The following HSPG2 variants were observed in gnomAD, a reference collection of about 807,000 sequenced individuals.
HSPG2 encodes heparan sulfate proteoglycan 2.
A neutral mutation model predicts 526.6 loss-of-function variants in HSPG2; 278 were observed. The ratio of observed to expected loss-of-function variants is 0.53; its 90% CI spans 0.48 to 0.58. HSPG2 has a LOEUF of 0.58. HSPG2 is among the 20% of genes least tolerant of loss of function. The pLI is 0.00. For synonymous variants in HSPG2, 2,465 were observed against 2,555.4 expected (o/e 0.96, Z 1.07); for missense variants, 5,354 against 6,099.5 (o/e 0.88, Z 4.07).
Position 21,839,401 on chromosome 1 carries a change from C to G in HSPG2, c.9859G>C (p.Ala3287Pro). Reference protein sequence around the residue: ...ICNATSPAGHAEATIILHVES... With the variant: ...ICNATSPAGHPEATIILHVES... The stretch of plus-strand genomic sequence containing the variant: ...ACGTGCAGGATGATGGTGGCCTCAG[C>G]GTGCCCAGCAGGGCTAGTGGCATTG... The change falls in exon 73 of 97, where the codon GCT (alanine) becomes CCT (proline). Residue 3287 changes from alanine (A) to proline (P), a missense_variant. Transcript: ENST00000374695. The surrounding 1 kb of genome is among the most constrained non-coding windows in gnomAD (Gnocchi z 4.5). 6.2e-7 allele frequency: 1 copy of G among 1,613,596 alleles called. No individual in the cohort carries two copies. The highest frequency in any genetic ancestry group is 8.5e-7 in the Non-Finnish European group (1 of 1,180,008).
chr1:21,900,640 C>T (rs1643046131), intron 1 of HSPG2, among the ~76,000 whole-genome samples: 1 of 152,094 alleles, frequency 6.6e-6, no homozygotes, highest in Non-Finnish European at 1.5e-5. Flanking sequence ...GGGAGAGGTA[C>T]AGATACGGAG....
intron 42 of HSPG2, 107 bp from the exon 43 acceptor site, chr1:21,857,492 A>G (rs1374791046): frequency 9.9e-7 from 1 of 1,009,288 alleles, no homozygotes; most frequent in African/African-American, 1.6e-5. Flanking sequence ...TTCCTGGTCC[A>G]GCCTAGCTCT....
chr1:21,886,683 G>A (rs115034078), intron 9 of HSPG2, among the ~76,000 whole-genome samples: 312 of 152,334 alleles, frequency 2.0e-3, no homozygotes, highest in African/African-American at 7.1e-3. Context: ...TGGAAGGATG[G>A]ATGGGAGGGA....
chr1:21,838,046 G>A (rs1342651569), intron 74 of HSPG2, among the ~76,000 whole-genome samples: 1 of 140,366 alleles, frequency 7.1e-6, no homozygotes. Flanking sequence ...TGAGGCACGA[G>A]AAAGGCTTGA....
chr1:21,865,373 GAC>G lies in HSPG2; in HGVS notation c.4315-10_4315-9del. 6.2e-7 allele frequency: 1 copy of G among 1,613,982 alleles called. No individual in the cohort carries two copies. The highest frequency in any genetic ancestry group is 8.5e-7 in the Non-Finnish European group (1 of 1,179,912). On this transcript the variant is annotated splice_polypyrimidine_tract_variant and intron_variant, in intron 34 of 96. Coordinates refer to ENST00000374695, the MANE Select transcript of HSPG2 (RefSeq NM_005529.7). This position sits in a 1 kb window ranked among gnomAD's most constrained non-coding sequence, Gnocchi z 5.4. Reference sequence around the variant, plus strand: ...TAGCATGATGTTGTTGCCCTGGAAAGACACCAGCAGGATTGGAAGGGGAGCCG... The same window carrying G: ...TAGCATGATGTTGTTGCCCTGGAAAGACCAGCAGGATTGGAAGGGGAGCCG...
rs1557770223 is a variant in HSPG2, at chr1:21,878,503, A to AG, written c.2559-13dup. On this transcript the variant is annotated splice_polypyrimidine_tract_variant and intron_variant, in intron 19 of 96. Coordinates refer to ENST00000374695, the MANE Select transcript of HSPG2 (RefSeq NM_005529.7). Reference sequence around the variant, plus strand: ...ATCCGGGGGCACAGCTAGGGGAGAGAGGGGGCCGCCATCAGCACTTCCATG... The same window carrying AG: ...ATCCGGGGGCACAGCTAGGGGAGAGAGGGGGGCCGCCATCAGCACTTCCATG... 3 of 1,613,154 alleles carry AG rather than the reference A, an allele frequency of 1.9e-6. No individual in the cohort carries two copies. Among genetic ancestry groups the AG allele is most frequent in the Non-Finnish European group, 2.5e-6 (3 of 1,179,658 alleles).
At chr1:21,860,090 G>A in intron 40 of HSPG2, 87 bp downstream of exon 40, 5 of 1,601,174 alleles carry the variant, frequency 3.1e-6, no homozygotes, top group East Asian at 2.2e-5. Context: ...CCCACCCTCA[G>A]CCCTGTCCCC....
chr1:21,848,742 G>T lies in HSPG2; in HGVS notation c.7638C>A (p.Ala2546=). 8 of 1,613,958 alleles carry T rather than the reference G, an allele frequency of 5.0e-6. No individual in the cohort carries two copies. Among genetic ancestry groups the T allele is most frequent in the Non-Finnish European group, 6.8e-6 (8 of 1,179,978 alleles). The change falls in exon 59 of 97, where the codon GCC becomes GCA. Residue 2546 remains alanine (A), a synonymous_variant. Transcript: ENST00000374695. The surrounding 1 kb of genome is among the most constrained non-coding windows in gnomAD (Gnocchi z 4.9). The part of the protein sequence containing the change: ...VRIESSSASL[A]NGHTLDLNCL... The stretch of plus-strand genomic sequence containing the variant: ...AGTTGAGGTCCAGGGTGTGTCCATT[G>T]GCCAGGGAGGCTGAGGAGGACTCGA...
At chr1:21,835,490 T>C in intron 76 of HSPG2, 50 bp downstream of exon 76, 1 of 1,245,316 alleles carries the variant, frequency 8.0e-7, no homozygotes, top group Non-Finnish European at 1.2e-6. Flanking sequence ...TCTCTGCCTT[T>C]CTCATCTCTG....
At chr1:21,917,918 A>C (rs1270629183) in intron 1 of HSPG2, among the ~76,000 whole-genome samples, 1 of 152,134 alleles carries the variant, frequency 6.6e-6, no homozygotes, top group Non-Finnish European at 1.5e-5. Context: ...CTGGAACCAA[A>C]GCTCCTTGGG....
intron 1 of HSPG2, among the ~76,000 whole-genome samples, chr1:21,906,218 A>C (rs1266291829): frequency 6.6e-6 from 1 of 152,172 alleles, no homozygotes; most frequent in East Asian, 1.9e-4. Context: ...CTCTGGGGTG[A>C]CAAGAGGCTG....
In HSPG2 at chr1:21,884,893, G is replaced by A. The variant is rs780442057; in HGVS notation, c.1381C>T (p.Arg461Cys). ...ACATCACGGATGATCAGTGTGCCAC[G>A]GCCACCCTCGCTGGTCACTGTCACC... ...PRVTVTSEGGRGTLIIRDVKE... is the reference protein window; with the variant it reads ...PRVTVTSEGGCGTLIIRDVKE... Residue 461 changes from arginine to cysteine, a missense_variant, in exon 12 of 97, where the codon CGT becomes TGT. Physicochemically the swap from Arg to Cys is radical, Grantham distance 180. Transcript: ENST00000374695. 17 of 1,613,842 alleles carry A rather than the reference G, an allele frequency of 1.1e-5. No individual in the cohort carries two copies. The East Asian group carries it at 1.1e-4, about 11-fold the overall frequency.
At position 21,842,646 on chromosome 1, in the gene HSPG2, G is replaced by C. The variant is rs7536441; in HGVS notation, c.8910+124C>G. 0.084 allele frequency: 109,426 copies of C among 1,308,636 alleles called. 5,275 individuals carry two copies. Among genetic ancestry groups the C allele is most frequent in the African/African-American group, 0.17 (11,858 of 68,790 alleles). 81.1% of individuals were successfully genotyped at this position (1,308,636 alleles called of 1,614,324 possible). A position where few individuals can be genotyped will look rare whatever the true frequency, so the allele number is the denominator to read the frequency against. On this transcript the variant is annotated intron_variant, in intron 67 of 96. Coordinates refer to ENST00000374695, the MANE Select transcript of HSPG2 (RefSeq NM_005529.7). ...ATTTGCAGGCTGGTGAACTCGTCCC[G>C]CAAACGTATTTTATCCCCTGGGGTC...
At position 21,852,767 on chromosome 1, in the gene HSPG2, A is replaced by G. The variant is rs756913608; in HGVS notation, c.6657T>C (p.His2219=). 4 of 1,611,916 alleles carry G rather than the reference A, an allele frequency of 2.5e-6. No homozygotes were observed. The South Asian group carries it at 4.4e-5, about 18-fold the overall frequency. Residue 2219 remains histidine (H), a synonymous_variant, in exon 52 of 97, where the codon CAT becomes CAC. Transcript: ENST00000374695. ...CTAGGGGGCCGGAGGTGCCCACCAC[A>G]TGGCACACATACTCGCCTGAGTCGG... ...TPADSGEYVC[H]VVGTSGPLEA...
rs200878548 is a variant in HSPG2 at position 21,872,945 on chromosome 1, G to C, written c.3888+52C>G. 1.5e-4 allele frequency: 233 copies of C among 1,572,950 alleles called. No individual in the cohort carries two copies. The highest frequency in any genetic ancestry group is 1.3e-4 in the Admixed American group (8 of 59,986). ...AGATGCTGCCTGATTTCCCCGCAGG[G>C]TCTGGGCAGCGGGGCAGAGCAGGCC... On this transcript the variant is annotated intron_variant, in intron 31 of 96. Coordinates refer to ENST00000374695, the MANE Select transcript of HSPG2 (RefSeq NM_005529.7). The surrounding 1 kb of genome is among the most constrained non-coding windows in gnomAD (Gnocchi z 5.5).
At chr1:21,845,576 C>T (rs1324961142) in intron 64 of HSPG2, among the ~76,000 whole-genome samples, 1 of 152,094 alleles carries the variant, frequency 6.6e-6, no homozygotes, top group Non-Finnish European at 1.5e-5. Context: ...GATGGGGTTT[C>T]ACCATGTTAC....
Position 21,868,040 on chromosome 1 carries a change from AT to A in HSPG2, c.4222-2232del, listed in dbSNP as rs35588639. ...CCACCGCACCCAGCCAGGAAGCTGAATTTTTTTTTTTTCTTTGAGATGGAGT... is the reference window on the plus strand; with the variant it reads ...CCACCGCACCCAGCCAGGAAGCTGAATTTTTTTTTTTCTTTGAGATGGAGT... On this transcript the variant is annotated intron_variant, in intron 33 of 96. Coordinates refer to ENST00000374695, the MANE Select transcript of HSPG2 (RefSeq NM_005529.7). Among the ~76,000 whole-genome samples the A allele has an allele frequency of 9.4e-4, 134 of 141,804 alleles. 2 individuals are homozygous for A. The South Asian group carries it at 0.011, about 11-fold the overall frequency. 93.0% of individuals were successfully genotyped at this position (141,804 alleles called of 152,430 possible). A position where few individuals can be genotyped will look rare whatever the true frequency, so the allele number is the denominator to read the frequency against.
rs749298973 is a variant in HSPG2 at position 21,851,683 on chromosome 1, G to A, written c.7021C>T (p.Gln2341Ter). ...GAGGAGGGCTCGATGCGGATGGGCTGGGTGCTGCCGGCAGCTGAGGGATAA... is the reference window on the plus strand; with the variant it reads ...GAGGAGGGCTCGATGCGGATGGGCTAGGTGCTGCCGGCAGCTGAGGGATAA... The part of the protein sequence containing the change: ...ANLAYPAGST[Q>*]PIRIEPSSSQ... The change falls in exon 55 of 97, where the codon CAG becomes TAG. Residue 2341 changes from glutamine to a stop codon, truncating the protein, a stop_gained. Transcript: ENST00000374695. LOFTEE classifies it high-confidence loss of function. 6.2e-7 allele frequency: 1 copy of A among 1,614,084 alleles called. No individual in the cohort carries two copies. The highest frequency in any genetic ancestry group is 8.5e-7 in the Non-Finnish European group (1 of 1,180,030).
Position 21,865,805 on chromosome 1 carries a change from G to A in HSPG2, c.4226C>T (p.Ala1409Val), listed in dbSNP as rs746918802. Residue 1409 changes from alanine to valine, a missense_variant, in exon 34 of 97, where the codon GCG becomes GTG. Transcript: ENST00000374695. This position sits in a 1 kb window ranked among gnomAD's most constrained non-coding sequence, Gnocchi z 5.4. The part of the protein sequence containing the change: ...LPETYQGDKV[A>V]AYGGKLRYTL... ...GTATCGCAACTTCCCACCGTAGGCCGCCACCTGCAAAGAGGCAAGCCCAGA... is the reference window on the plus strand; with the variant it reads ...GTATCGCAACTTCCCACCGTAGGCCACCACCTGCAAAGAGGCAAGCCCAGA... The A allele has an allele frequency of 1.4e-5, 22 of 1,612,848 alleles. No individual in the cohort carries two copies. Among genetic ancestry groups the A allele is most frequent in the East Asian group, 1.1e-4 (5 of 44,876 alleles).
Sources: gnomAD v4.1 joint callset for allele counts (sites outside exome capture counted in the v4.1 genomes callset) on GRCh38, gnomAD v4.1.1 for gene constraint, Gnocchi (gnomAD v3.1) non-coding constraint, MANE v1.5 for transcripts, NCBI Gene and HGNC (gene_info 2026-07-23, HGNC 2026-07-21) for gene names.